HEPH: variants seen among roughly 807,000 people sequenced by gnomAD.
The protein encoded by HEPH is hephaestin.
HEPH carries 69 observed loss-of-function variants against 80.8 expected under a neutral mutation model. The observed-to-expected ratio is 0.85, with a 90% CI of 0.70 to 1.04. The LOEUF is 1.04. Ranked by LOEUF, HEPH falls within the 50% of genes least tolerant of loss-of-function variation. The pLI, the probability that HEPH is intolerant of heterozygous loss-of-function variation, is 0.00. For missense variants in HEPH, 1,115 were observed against 891.3 expected (o/e 1.25, Z -3.20); for synonymous variants, 431 against 322.8 (o/e 1.34, Z -3.60).
At chrX:66,194,995 C>T in intron 8 of HEPH, 103 bp from the exon 9 acceptor site, 2 of 645,189 alleles carry the variant, frequency 3.1e-6, no homozygotes, top group Non-Finnish European at 4.4e-6. Context: ...TTATTTTCTT[C>T]TTCACTTTCA....
intron 15 of HEPH, among the ~76,000 whole-genome samples, chrX:66,231,919 A>G (rs2090162186): frequency 9.0e-6 from 1 of 110,505 alleles, no homozygotes; most frequent in Non-Finnish European, 1.9e-5. Flanking sequence ...TGGATTTGTC[A>G]TAGATAGCTC....
intron 15 of HEPH, among the ~76,000 whole-genome samples, chrX:66,216,260 C>T (rs1392795912): frequency 8.9e-6 from 1 of 111,879 alleles, no homozygotes; most frequent in East Asian, 2.8e-4. Context: ...AGCACCACCT[C>T]CTGATTGGAG....
intron 4 of HEPH, 96 bp from the exon 5 acceptor site, chrX:66,188,263 C>A: frequency 3.3e-6 from 2 of 601,598 alleles, no homozygotes; most frequent in Non-Finnish European, 5.1e-6. Context: ...ATTCTTAAGA[C>A]CCCTCTCTTT....
At chrX:66,235,987 A>G (rs1054139023) in intron 15 of HEPH, among the ~76,000 whole-genome samples, 6 of 112,245 alleles carry the variant, frequency 5.3e-5, no homozygotes, top group Non-Finnish European at 1.1e-4. Flanking sequence ...GAAGTTGCTT[A>G]TCAGCTTAAG....
At chrX:66,171,747 A>G (rs2086602486) in intron 2 of HEPH, among the ~76,000 whole-genome samples, 1 of 111,815 alleles carries the variant, frequency 8.9e-6, no homozygotes, top group Admixed American at 9.5e-5. Flanking sequence ...AATATTCCAC[A>G]TTTATTGAAC....
At chrX:66,238,438 G>A (rs1242866597) in intron 15 of HEPH, among the ~76,000 whole-genome samples, 2 of 111,311 alleles carry the variant, frequency 1.8e-5, no homozygotes, top group Non-Finnish European at 3.8e-5. Context: ...TGTTGAACTT[G>A]GGTGGCTGAA....
At chrX:66,198,719 C>G (rs748098841) in intron 10 of HEPH, among the ~76,000 whole-genome samples, 159 bp from the exon 11 acceptor site, 2 of 111,614 alleles carry the variant, frequency 1.8e-5, no homozygotes, top group Non-Finnish European at 3.8e-5. Flanking sequence ...TTGAGGTTAC[C>G]TAAGGAAAAA....
At chrX:66,225,806 A>T (rs1027470404) in intron 15 of HEPH, among the ~76,000 whole-genome samples, 31 of 112,648 alleles carry the variant, frequency 2.8e-4, no homozygotes, top group African/African-American at 1.0e-3. Flanking sequence ...ACTATCTGTT[A>T]ATCACCTTGC....
intron 1 of HEPH, among the ~76,000 whole-genome samples, chrX:66,167,986 C>T (rs1288863875): frequency 8.9e-6 from 1 of 111,956 alleles, no homozygotes; most frequent in Non-Finnish European, 1.9e-5. Flanking sequence ...ACTTGGCCTC[C>T]ATCGCCATGT....
intron 15 of HEPH, among the ~76,000 whole-genome samples, chrX:66,247,770 G>T (rs2090866965): frequency 9.0e-6 from 1 of 111,519 alleles, no homozygotes; most frequent in Non-Finnish European, 1.9e-5. Flanking sequence ...ATGGGATATT[G>T]TAGTTCGATA....
intron 15 of HEPH, among the ~76,000 whole-genome samples, chrX:66,235,441 T>A (rs776968214): frequency 1.8e-5 from 2 of 110,529 alleles, no homozygotes; most frequent in Non-Finnish European, 3.8e-5. Context: ...TAGCACCATT[T>A]ATTCAATTAG....
chrX:66,192,601 C>T (rs1296100609), intron 7 of HEPH, among the ~76,000 whole-genome samples: 6 of 111,804 alleles, frequency 5.4e-5, no homozygotes, highest in Admixed American at 4.7e-4. Flanking sequence ...CAGGTGGGAC[C>T]AGTTCTTGTA....
intron 18 of HEPH, 113 bp downstream of exon 18, chrX:66,259,092 G>T: frequency 4.9e-6 from 4 of 820,733 alleles, no homozygotes; most frequent in Non-Finnish European, 5.0e-6. Flanking sequence ...AAGAGCAGAG[G>T]TCTAGTACAT....
At chrX:66,235,832 C>T (rs1016090651) in intron 15 of HEPH, among the ~76,000 whole-genome samples, 2 of 111,621 alleles carry the variant, frequency 1.8e-5, no homozygotes, top group Admixed American at 9.5e-5. Context: ...TTCATGATCC[C>T]ATATTTGCAT....
chrX:66,251,076 T>C (rs2090988484), intron 15 of HEPH, among the ~76,000 whole-genome samples: 1 of 111,542 alleles, frequency 9.0e-6, no homozygotes, highest in Non-Finnish European at 1.9e-5. Context: ...CAGAGATAGG[T>C]TTTGCCATGT....
At chrX:66,172,650 C>T (rs1287781248) in intron 3 of HEPH, 51 bp downstream of exon 3, 8 of 1,076,709 alleles carry the variant, frequency 7.4e-6, no homozygotes, top group South Asian at 2.6e-5. Context: ...TATCACTTTT[C>T]CTTTATTGCC....
At chrX:66,202,307 G>A (rs751751968) in intron 12 of HEPH, among the ~76,000 whole-genome samples, 1 of 111,943 alleles carries the variant, frequency 8.9e-6, no homozygotes, top group South Asian at 3.8e-4. Flanking sequence ...TTGAGACAAT[G>A]TGTGGGAGGT....
At chrX:66,190,516 G>A (rs2087733872) in intron 6 of HEPH, among the ~76,000 whole-genome samples, 1 of 111,581 alleles carries the variant, frequency 9.0e-6, no homozygotes, top group African/African-American at 3.3e-5. Flanking sequence ...AAGTGGTTAG[G>A]TTTGAATGGT....
At chrX:66,192,039 G>C in intron 6 of HEPH, 91 bp from the exon 7 acceptor site, 1 of 907,110 alleles carries the variant, frequency 1.1e-6, no homozygotes, top group South Asian at 2.6e-5. Context: ...GAGGGTGGGT[G>C]GAGGAAACAC....
Sources: allele counts gnomAD v4.1 joint callset (sites outside exome capture counted in the v4.1 genomes callset), GRCh38; gene constraint gnomAD v4.1.1; transcripts MANE v1.5; gene names NCBI Gene and HGNC (gene_info 2026-07-23, HGNC 2026-07-21).